Variants in CLIP1 observed in about 807,000 individuals in gnomAD.
CLIP1 encodes the protein CAP-Gly domain-containing linker protein 1.
In CLIP1, 66 loss-of-function variants were observed where a neutral mutation model predicts 161.6. The ratio of observed to expected loss-of-function variants is 0.41; its 90% CI spans 0.33 to 0.50. CLIP1 has a LOEUF of 0.50. CLIP1 is among the 20% of genes least tolerant of loss of function. The pLI, the probability that CLIP1 is intolerant of heterozygous loss-of-function variation, is 0.27. For synonymous variants in CLIP1, 598 were observed against 626.2 expected, an observed-to-expected ratio of 0.96 and a Z score of 0.67; for missense variants, 1,376 against 1,702.0, an observed-to-expected ratio of 0.81 and a Z score of 3.37.
chr12:122,373,888 CA>C (rs1954581648), intron 3 of CLIP1, among the ~76,000 whole-genome samples: 1 of 152,012 alleles, frequency 6.6e-6, no homozygotes, highest in African/African-American at 2.4e-5. Context: ...ATATTATAGA[CA>C]AACCTCACAA....
rs111608389 is a variant in CLIP1 at position 122,285,290 on chromosome 12, G to A, written c.3647+3199C>T. Among the ~76,000 whole-genome samples, 1,410 of 147,372 alleles carry A rather than the reference G, an allele frequency of 9.6e-3. 7 individuals carry two copies. The highest frequency in any genetic ancestry group is 0.031 in the African/African-American group (1,225 of 39,594). ...TCACCAGGCTGGAGTGCAGTGGCACGATCTCGGCTCACTACAACCTCCACC... is the reference window on the plus strand; with the variant it reads ...TCACCAGGCTGGAGTGCAGTGGCACAATCTCGGCTCACTACAACCTCCACC... On this transcript the variant is annotated intron_variant, in intron 21 of 25. Coordinates refer to ENST00000620786, the MANE Select transcript of CLIP1 (RefSeq NM_001247997.2).
chr12:122,332,717 G>A (rs536167055), intron 15 of CLIP1, among the ~76,000 whole-genome samples: 50 of 152,176 alleles, frequency 3.3e-4, no homozygotes, highest in Admixed American at 3.1e-3. Flanking sequence ...CACCGCACCC[G>A]GCCTTATTAT....
At chr12:122,336,081 T>A (rs181692586) in intron 12 of CLIP1, among the ~76,000 whole-genome samples, 38 of 152,078 alleles carry the variant, frequency 2.5e-4, no homozygotes, top group Non-Finnish European at 3.8e-4. Context: ...AGGTAAAAAA[T>A]ATACATATGC....
rs371671198 is a variant in CLIP1, at chr12:122,339,062, G to C, written c.2451+1691C>G. Among the ~76,000 whole-genome samples the C allele has an allele frequency of 1.8e-4, 27 of 152,282 alleles. 1 individual carries two copies. In the South Asian group the frequency reaches 3.1e-3, roughly 18 times the overall value. On this transcript the variant is annotated intron_variant, in intron 11 of 25. Coordinates refer to ENST00000620786, the MANE Select transcript of CLIP1 (RefSeq NM_001247997.2). ...AGCATCAATACCAGTGCCTCAACTAGTGGCAGGACTGGGAAACAATTCCTC... is the reference window on the plus strand; with the variant it reads ...AGCATCAATACCAGTGCCTCAACTACTGGCAGGACTGGGAAACAATTCCTC...
Position 122,418,499 on chromosome 12 carries a change from T to G in CLIP1, c.-107+4022A>C, listed in dbSNP as rs531160711. 2.6e-5 allele frequency among the ~76,000 whole-genome samples: 4 copies of G among 152,314 alleles called. No individual in the cohort carries two copies. The South Asian group carries it at 8.3e-4, about 32-fold the overall frequency. On this transcript the variant is annotated intron_variant, in intron 1 of 25. Transcript: ENST00000620786. ...TGGGCACGGTGGCTCATGCCTGTAATCCCAGCACTTTGGGAGGCCAAGTTA... is the reference window on the plus strand; with the variant it reads ...TGGGCACGGTGGCTCATGCCTGTAAGCCCAGCACTTTGGGAGGCCAAGTTA...
At position 122,288,556 on chromosome 12, in the gene CLIP1, CA is replaced by C; in HGVS notation, c.3595-16del. On this transcript the variant is annotated splice_polypyrimidine_tract_variant and intron_variant, in intron 20 of 25. Transcript: ENST00000620786. ...TCTTCTTCCAGCTAGGAAAAAAACACAAAAAACTTCAGTTCATAACCAGGCC... is the reference window on the plus strand; with the variant it reads ...TCTTCTTCCAGCTAGGAAAAAAACACAAAAACTTCAGTTCATAACCAGGCC... The C allele has an allele frequency of 2.5e-6, 4 of 1,602,010 alleles. No homozygotes were observed. Among genetic ancestry groups the C allele is most frequent in the Non-Finnish European group, 2.5e-6 (3 of 1,178,508 alleles).
intron 3 of CLIP1, among the ~76,000 whole-genome samples, chr12:122,375,337 CAT>C (rs1954666489): frequency 6.9e-6 from 1 of 144,354 alleles, no homozygotes; most frequent in South Asian, 2.2e-4. Flanking sequence ...TTTTCTTTGA[CAT>C]AGAGTCTCAC....
intron 20 of CLIP1, among the ~76,000 whole-genome samples, chr12:122,298,980 T>C (rs536814239): frequency 4.6e-5 from 7 of 152,176 alleles, no homozygotes; most frequent in Middle Eastern, 3.4e-3. Context: ...ATGATATCAA[T>C]GGTGTGGCTA....
chr12:122,321,580 A>C (rs1030297823), intron 17 of CLIP1, among the ~76,000 whole-genome samples: 1 of 151,774 alleles, frequency 6.6e-6, no homozygotes. Context: ...GTGCAATGGC[A>C]TGATCTCGGT....
chr12:122,347,076 T>G (rs953395405), intron 10 of CLIP1, among the ~76,000 whole-genome samples: 1 of 152,256 alleles, frequency 6.6e-6, no homozygotes, highest in Admixed American at 6.5e-5. Flanking sequence ...ATATATTTCA[T>G]GGTATTAATA....
intron 17 of CLIP1, among the ~76,000 whole-genome samples, chr12:122,327,221 G>A (rs1241925651): frequency 6.6e-6 from 1 of 152,088 alleles, no homozygotes; most frequent in Non-Finnish European, 1.5e-5. Context: ...CAAGATGGGA[G>A]GACTGCTTGA....
chr12:122,390,215 T>TATATATACACACATATATACACACAC (rs1233109753), intron 1 of CLIP1, among the ~76,000 whole-genome samples: 1 of 133,924 alleles, frequency 7.5e-6, no homozygotes, highest in African/African-American at 2.7e-5. Flanking sequence ...TATACACACA[T>TATATATACACACATATATACACACAC]ATATATACAC....
chr12:122,371,686 C>T (rs1004441367), intron 3 of CLIP1, among the ~76,000 whole-genome samples: 8 of 152,066 alleles, frequency 5.3e-5, no homozygotes, highest in Non-Finnish European at 8.8e-5. Context: ...AGGACACAGG[C>T]GAGGAGGATG....
chr12:122,273,225 A>G, intron 25 of CLIP1, 125 bp from the exon 26 acceptor site: 1 of 693,358 alleles, frequency 1.4e-6, no homozygotes, highest in Non-Finnish European at 2.4e-6. Context: ...CTTCCAGTAT[A>G]AGTAGTGCAT....
chr12:122,392,926 C>A (rs1439777062), intron 1 of CLIP1, among the ~76,000 whole-genome samples: 3 of 151,946 alleles, frequency 2.0e-5, no homozygotes, highest in Non-Finnish European at 4.4e-5. Context: ...GGACTACAGG[C>A]ACACACCACC....
chr12:122,380,593 C>A, intron 1 of CLIP1, 35 bp from the exon 2 acceptor site: 1 of 502,712 alleles, frequency 2.0e-6, no homozygotes, highest in East Asian at 3.2e-5. Flanking sequence ...ATTTTATAAT[C>A]TACAGGAGCA....
At chr12:122,337,798 G>A (rs190983406) in intron 11 of CLIP1, among the ~76,000 whole-genome samples, 30 of 151,330 alleles carry the variant, frequency 2.0e-4, no homozygotes, top group African/African-American at 5.1e-4. Flanking sequence ...GGCGGATCAC[G>A]AAGTCAGGAG....
chr12:122,352,160 C>T lies in CLIP1; in HGVS notation c.1368+566G>A, dbSNP rs986853786. Among the ~76,000 whole-genome samples the T allele has an allele frequency of 4.0e-5, 6 of 151,166 alleles. No homozygotes were observed. In the South Asian group the frequency reaches 6.3e-4, roughly 16 times the overall value. On this transcript the variant is annotated intron_variant, in intron 8 of 25. Coordinates refer to ENST00000620786, the MANE Select transcript of CLIP1 (RefSeq NM_001247997.2). Reference sequence around the variant, plus strand: ...GCAACCTCCACCTCCTGGGTTCAAGCGATTCTCCTGCCTCAGCCTCCCAAG... The same window carrying T: ...GCAACCTCCACCTCCTGGGTTCAAGTGATTCTCCTGCCTCAGCCTCCCAAG...
intron 17 of CLIP1, among the ~76,000 whole-genome samples, chr12:122,325,441 G>A (rs920704980): frequency 6.6e-6 from 1 of 151,878 alleles, no homozygotes; most frequent in African/African-American, 2.4e-5. Context: ...CAACTGAGGA[G>A]CTAAATTTTT....
Sources: gnomAD v4.1 joint callset for allele counts (sites outside exome capture counted in the v4.1 genomes callset) on GRCh38, gnomAD v4.1.1 for gene constraint, MANE v1.5 for transcripts, NCBI Gene and HGNC (gene_info 2026-07-23, HGNC 2026-07-21) for gene names.